The following DENND1A variants were observed in gnomAD, a reference collection of about 807,000 sequenced individuals.
DENND1A encodes the protein DENN domain-containing protein 1A.
A neutral mutation model predicts 113.7 loss-of-function variants in DENND1A; 51 were observed. That is an observed-to-expected ratio of 0.45 (90% CI 0.36 to 0.57). The LOEUF is 0.57. DENND1A is among the 20% of genes least tolerant of loss of function. The probability of loss-of-function intolerance (pLI) is 0.00; values close to 1 mark genes in which losing one functional copy is unlikely to be tolerated. For missense variants in DENND1A, 1,258 were observed against 1,395.9 expected, an observed-to-expected ratio of 0.90 and a Z score of 1.57; for synonymous variants, 565 against 570.8, an observed-to-expected ratio of 0.99 and a Z score of 0.14.
Position 123,806,018 on chromosome 9 carries a change from A to G in DENND1A, c.89-13388T>C, listed in dbSNP as rs573327883. Among the ~76,000 whole-genome samples the G allele has an allele frequency of 3.3e-5, 5 of 152,226 alleles. No individual in the cohort carries two copies. The East Asian group carries it at 9.6e-4, about 29-fold the overall frequency. On this transcript the variant is annotated intron_variant, in intron 2 of 23. Coordinates refer to ENST00000394215, the MANE Select transcript of DENND1A (RefSeq NM_001352964.2). Reference sequence around the variant, plus strand: ...ACCCAGGCTGGAGTGCAGTGGCACTATCTCTCCTCACTGCAACCTCCACCT... The same window carrying G: ...ACCCAGGCTGGAGTGCAGTGGCACTGTCTCTCCTCACTGCAACCTCCACCT...
intron 13 of DENND1A, among the ~76,000 whole-genome samples, chr9:123,488,130 C>T (rs554778344): frequency 3.3e-5 from 5 of 152,310 alleles, no homozygotes; most frequent in Middle Eastern, 3.4e-3. Context: ...AGATCCTATC[C>T]GCCAGCACAA....
chr9:123,689,916 G>C (rs577557869), intron 5 of DENND1A, among the ~76,000 whole-genome samples: 2 of 151,964 alleles, frequency 1.3e-5, no homozygotes, highest in Non-Finnish European at 2.9e-5. Context: ...TTGAGTCCAA[G>C]AGTTGGAGGT....
intron 2 of DENND1A, among the ~76,000 whole-genome samples, chr9:123,803,832 C>T (rs1835090786): frequency 6.6e-6 from 1 of 152,324 alleles, no homozygotes; most frequent in Admixed American, 6.5e-5. Flanking sequence ...CCACAGTCAC[C>T]ACTTTGTCGC....
At chr9:123,665,527 A>T (rs890193107) in intron 8 of DENND1A, among the ~76,000 whole-genome samples, 6 of 152,218 alleles carry the variant, frequency 3.9e-5, no homozygotes, top group Non-Finnish European at 8.8e-5. Context: ...CAAGACTGTT[A>T]TCTAATCACA....
Position 123,381,743 on chromosome 9 carries a change from G to C in DENND1A, c.2902C>G (p.Pro968Ala), listed in dbSNP as rs903159600. The C allele has an allele frequency of 1.9e-5, 29 of 1,515,010 alleles. No homozygotes were observed. The African/African-American group carries it at 3.5e-4, about 18-fold the overall frequency. The allele number at this position is 1,515,010 out of a possible 1,614,324, so 93.8% of individuals were successfully genotyped here. A position where few individuals can be genotyped will look rare whatever the true frequency, so the allele number is the denominator to read the frequency against. ...GCTGGGGGACCCAGCGGCTGTAGGG[G>C]GCTCGTGTGGGTGCCCATGGGCATC... is the stretch of plus-strand genomic sequence containing the variant. ...GQMPMGTHTS[P>A]LQPLGPPAVA... The change falls in exon 24 of 24, where the codon CCC (proline) becomes GCC (alanine). Residue 968 changes from proline to alanine, a missense_variant. By Grantham distance (27) the Pro-to-Ala change is conservative. Transcript: ENST00000394215. The surrounding 1 kb of genome is among the most constrained non-coding windows in gnomAD (Gnocchi z 4.7).
intron 13 of DENND1A, among the ~76,000 whole-genome samples, chr9:123,490,848 T>C (rs1172242948): frequency 6.6e-6 from 1 of 152,254 alleles, no homozygotes; most frequent in African/African-American, 2.4e-5. Flanking sequence ...CATCTCCCTT[T>C]GGGCGAGGCA....
intron 19 of DENND1A, among the ~76,000 whole-genome samples, chr9:123,427,700 C>T (rs1445114379): frequency 6.6e-6 from 1 of 152,248 alleles, no homozygotes; most frequent in Non-Finnish European, 1.5e-5. Context: ...TTGATCTTCT[C>T]TCCCTTCTTT....
chr9:123,688,478 C>G (rs1589672411), intron 5 of DENND1A, among the ~76,000 whole-genome samples: 1 of 152,118 alleles, frequency 6.6e-6, no homozygotes, highest in South Asian at 2.1e-4. Flanking sequence ...AAGTTGGTCC[C>G]TGGTTTAGAT....
intron 2 of DENND1A, among the ~76,000 whole-genome samples, chr9:123,877,153 T>C (rs887137229): frequency 6.6e-6 from 1 of 152,182 alleles, no homozygotes; most frequent in Non-Finnish European, 1.5e-5. Flanking sequence ...AATATATGCA[T>C]GTAACACAAC....
intron 5 of DENND1A, 97 bp from the exon 6 acceptor site, chr9:123,676,886 A>G (rs1478317018): frequency 8.7e-7 from 1 of 1,155,842 alleles, no homozygotes. Flanking sequence ...GTTTTGCTCT[A>G]CATCCTGAAG....
At chr9:123,493,849 T>TTATTGGA (rs746494756) in intron 13 of DENND1A, among the ~76,000 whole-genome samples, 435 of 152,270 alleles carry the variant, frequency 2.9e-3, no homozygotes, top group Non-Finnish European at 4.7e-3. Flanking sequence ...GACCGCCCCC[T>TTATTGGA]CCATTGCTTC....
chr9:123,453,116 C>T (rs1327136306), intron 16 of DENND1A, among the ~76,000 whole-genome samples: 1 of 152,214 alleles, frequency 6.6e-6, no homozygotes, highest in African/African-American at 2.4e-5. Context: ...TTCTCAGTCT[C>T]ATCCCTGCAG....
rs748311987 is a variant in DENND1A, at chr9:123,382,183, C to A, written c.2462G>T (p.Gly821Val). The A allele has an allele frequency of 1.2e-6, 2 of 1,609,332 alleles. No individual in the cohort carries two copies. The highest frequency in any genetic ancestry group is 2.2e-5 in the East Asian group (1 of 44,798). The part of the protein sequence containing the change: ...PGLLPGVVPQ[G>V]PTELLQPLSP... Reference sequence around the variant, plus strand: ...GAGCGGCTGGAGCAGTTCAGTGGGGCCTTGGGGGACAACACCAGGCAGGAG... The same window carrying A: ...GAGCGGCTGGAGCAGTTCAGTGGGGACTTGGGGGACAACACCAGGCAGGAG... Residue 821 changes from glycine (G) to valine (V), a missense_variant, in exon 24 of 24, where the codon GGC becomes GTC. This residue lies in a region of DENND1A where 1,159 missense variants were observed against 1,231.7 expected (regional missense o/e 0.94). Transcript: ENST00000394215.
chr9:123,504,186 G>C (rs1207042667), intron 13 of DENND1A, among the ~76,000 whole-genome samples: 1 of 152,184 alleles, frequency 6.6e-6, no homozygotes, highest in East Asian at 1.9e-4. Context: ...AGCCTGGAAT[G>C]AGTTGCCCTT....
chr9:123,536,637 G>A (rs1174321719), intron 13 of DENND1A, among the ~76,000 whole-genome samples: 1 of 152,054 alleles, frequency 6.6e-6, no homozygotes, highest in Non-Finnish European at 1.5e-5. Flanking sequence ...TCCAGCCTCC[G>A]CAAATGCTAG....
At chr9:123,393,585 C>T (rs1333903303) in intron 21 of DENND1A, among the ~76,000 whole-genome samples, 3 of 151,780 alleles carry the variant, frequency 2.0e-5, no homozygotes, top group African/African-American at 4.8e-5. Flanking sequence ...TGCAGGGTCT[C>T]TGGGGGTACA....
intron 23 of DENND1A, 37 bp downstream of exon 23, chr9:123,383,618 G>A (rs763833737): frequency 5.6e-6 from 9 of 1,593,698 alleles, no homozygotes; most frequent in Admixed American, 3.4e-5. Context: ...GGACAGTGCC[G>A]GCCCCCGGCC....
intron 1 of DENND1A, among the ~76,000 whole-genome samples, chr9:123,891,580 A>C (rs1382330294): frequency 6.6e-6 from 1 of 152,234 alleles, no homozygotes; most frequent in Non-Finnish European, 1.5e-5. Context: ...AAGATGGCAC[A>C]CAACCTAGAA....
chr9:123,429,324 G>A (rs1390210349), intron 19 of DENND1A, among the ~76,000 whole-genome samples: 1 of 152,224 alleles, frequency 6.6e-6, no homozygotes, highest in Non-Finnish European at 1.5e-5. Context: ...TGGAGGCCGG[G>A]GAGGGTGGAC....
Sources: allele counts gnomAD v4.1 joint callset (sites outside exome capture counted in the v4.1 genomes callset), GRCh38; gene constraint gnomAD v4.1.1; regional missense constraint gnomAD v4.1.1; non-coding constraint Gnocchi (gnomAD v3.1); transcripts MANE v1.5; gene names NCBI Gene and HGNC (gene_info 2026-07-23, HGNC 2026-07-21).